ACOT11: variants seen among roughly 807,000 people sequenced by gnomAD.
ACOT11 encodes acyl-coenzyme A thioesterase 11.
ACOT11 carries 69 observed loss-of-function variants against 77.5 expected under a neutral mutation model. That is an observed-to-expected ratio of 0.89 (90% CI 0.73 to 1.09). The LOEUF (loss-of-function observed/expected upper bound fraction) is 1.09. ACOT11 is among the 50% of genes least tolerant of loss of function. ACOT11 has a pLI of 0.00. For missense variants in ACOT11, 766 were observed against 813.7 expected, an observed-to-expected ratio of 0.94 and a Z score of 0.71; for synonymous variants, 279 against 313.0, an observed-to-expected ratio of 0.89 and a Z score of 1.15.
intron 6 of ACOT11, among the ~76,000 whole-genome samples, chr1:54,595,804 G>A (rs930319758): frequency 2.6e-5 from 4 of 152,188 alleles, no homozygotes; most frequent in Admixed American, 2.6e-4. Flanking sequence ...CCTTGGACTT[G>A]TTTACTTATC....
intron 1 of ACOT11, among the ~76,000 whole-genome samples, chr1:54,563,376 G>A (rs948616907): frequency 3.9e-5 from 6 of 152,196 alleles, no homozygotes; most frequent in Admixed American, 2.6e-4. Context: ...CCGGCAGAGT[G>A]CCATTAGACA....
intron 15 of ACOT11, among the ~76,000 whole-genome samples, chr1:54,617,709 ATTTTTTTTTTTTTTTTTTTTTT>A (rs56229276): frequency 5.4e-5 from 3 of 55,740 alleles, no homozygotes; most frequent in African/African-American, 2.2e-4. Context: ...AGGGCCTGAG[ATTTTTTTTTTTTTTTTTTTTTT>A]TTTTTTTTTT....
rs560789213 is a variant in ACOT11, at chr1:54,584,271, T to C, written c.34-384T>C. On this transcript the variant is annotated intron_variant, in intron 1 of 15. Transcript: ENST00000343744. This position sits in a 1 kb window ranked among gnomAD's most constrained non-coding sequence, Gnocchi z 6.3. Reference sequence around the variant, plus strand: ...TGGGCTTGACTGCTATGGAGCTCTCTAGGCCTCCCTGCATAGAGAGGCGAC... The same window carrying C: ...TGGGCTTGACTGCTATGGAGCTCTCCAGGCCTCCCTGCATAGAGAGGCGAC... Among the ~76,000 whole-genome samples the C allele has an allele frequency of 9.5e-4, 130 of 137,190 alleles. No individual in the cohort carries two copies. The highest frequency in any genetic ancestry group is 3.0e-3 in the African/African-American group (122 of 40,134). 90.0% of individuals were successfully genotyped at this position (137,190 alleles called of 152,430 possible). A position where few individuals can be genotyped will look rare whatever the true frequency, so the allele number is the denominator to read the frequency against.
At chr1:54,587,610 G>A (rs1254272478) in intron 3 of ACOT11, among the ~76,000 whole-genome samples, 1 of 137,812 alleles carries the variant, frequency 7.3e-6, no homozygotes, top group Non-Finnish European at 1.5e-5. Context: ...CCAGGCTGGA[G>A]TGCAATGATG....
intron 15 of ACOT11, chr1:54,620,121 C>T: frequency 8.8e-7 from 1 of 1,142,416 alleles, no homozygotes; most frequent in Non-Finnish European, 1.2e-6. Context: ...CCCCATCTGG[C>T]AGAGGGACGG....
chr1:54,623,206 TA>T, intron 15 of ACOT11: 1 of 988,676 alleles, frequency 1.0e-6, no homozygotes. Flanking sequence ...GTCAGAGCTG[TA>T]AGTGAGAAGT....
downstream of ACOT11, chr1:54,610,653 T>C: frequency 6.7e-7 from 1 of 1,502,310 alleles, no homozygotes; most frequent in African/African-American, 1.4e-5. Context: ...ACGGGCATCC[T>C]CTCTAAGCCT....
At chr1:54,562,892 G>C (rs887831157) in intron 1 of ACOT11, among the ~76,000 whole-genome samples, 2 of 134,488 alleles carry the variant, frequency 1.5e-5, no homozygotes, top group Non-Finnish European at 3.2e-5. Flanking sequence ...ATGGGATGGC[G>C]GCCGGGCGGA....
At chr1:54,612,495 T>G, downstream of ACOT11, 1 of 1,613,350 alleles carries the variant, frequency 6.2e-7, no homozygotes. Context: ...CCTCTCAGAT[T>G]GGCTCAGCAG....
At chr1:54,600,607 C>G (rs1643949903) in intron 8 of ACOT11, among the ~76,000 whole-genome samples, 1 of 152,160 alleles carries the variant, frequency 6.6e-6, no homozygotes, top group Non-Finnish European at 1.5e-5. Flanking sequence ...CCCTTGAATC[C>G]AAGAGGCGGA....
intron 1 of ACOT11, among the ~76,000 whole-genome samples, chr1:54,556,819 G>A (rs1422020877): frequency 6.6e-6 from 1 of 151,992 alleles, no homozygotes; most frequent in African/African-American, 2.4e-5. Flanking sequence ...CTGACCTTGG[G>A]TGATCCGCCC....
intron 1 of ACOT11, among the ~76,000 whole-genome samples, chr1:54,571,468 C>T (rs557192790): frequency 1.3e-5 from 2 of 152,296 alleles, no homozygotes; most frequent in Admixed American, 6.5e-5. Flanking sequence ...TAGAGAGTTG[C>T]TGGCACACCT....
rs568771933 is a variant in ACOT11 at position 54,559,711 on chromosome 1, G to A, written c.33+11369G>A. Reference sequence around the variant, plus strand: ...TTCTGTTGAGGACCTACTAAGTGTCGGGCATATTTAAACTTCCCAACAGCT... The same window carrying A: ...TTCTGTTGAGGACCTACTAAGTGTCAGGCATATTTAAACTTCCCAACAGCT... On this transcript the variant is annotated intron_variant, in intron 1 of 15. Coordinates refer to ENST00000343744, the MANE Select transcript of ACOT11 (RefSeq NM_147161.4). Among the ~76,000 whole-genome samples, 12 of 152,162 alleles carry A rather than the reference G, an allele frequency of 7.9e-5. No homozygotes were observed. In the South Asian group the frequency reaches 1.2e-3, roughly 16 times the overall value.
At chr1:54,616,067 T>C (rs767036550) in intron 15 of ACOT11, 2 of 1,614,170 alleles carry the variant, frequency 1.2e-6, no homozygotes, top group Non-Finnish European at 1.7e-6. Context: ...CTCCAGTGTG[T>C]TGTCACTGTA....
intron 1 of ACOT11, among the ~76,000 whole-genome samples, chr1:54,566,769 G>A (rs878856518): frequency 6.6e-6 from 1 of 152,134 alleles, no homozygotes; most frequent in Admixed American, 6.5e-5. Context: ...GGGTTTAGCT[G>A]GGACTGTCAT....
intron 7 of ACOT11, 133 bp from the exon 8 acceptor site, chr1:54,599,146 CAAAAAAAAAAAAAAAAA>C (rs60598717): frequency 2.8e-3 from 52 of 18,656 alleles, no homozygotes; most frequent in East Asian, 0.014. Context: ...AACTCTGTCT[CAAAAAAAAAAAAAAAAA>C]AAAAAAAAAA....
At chr1:54,571,504 G>A (rs920558138) in intron 1 of ACOT11, among the ~76,000 whole-genome samples, 8 of 152,282 alleles carry the variant, frequency 5.3e-5, no homozygotes, top group East Asian at 3.9e-4. Flanking sequence ...CTCTGCCAGA[G>A]ACTAGATTGT....
intron 15 of ACOT11, among the ~76,000 whole-genome samples, chr1:54,616,899 T>C (rs1250437945): frequency 1.3e-5 from 2 of 152,156 alleles, no homozygotes; most frequent in East Asian, 3.9e-4. Flanking sequence ...TTGCTATTAG[T>C]CTTGCTATGT....
intron 10 of ACOT11, among the ~76,000 whole-genome samples, chr1:54,603,454 T>C (rs1643988519): frequency 6.6e-6 from 1 of 152,184 alleles, no homozygotes; most frequent in African/African-American, 2.4e-5. Context: ...CAAGCTGTTG[T>C]TAGTAAGAAA....
Sources: gnomAD v4.1 joint callset for allele counts (sites outside exome capture counted in the v4.1 genomes callset) on GRCh38, gnomAD v4.1.1 for gene constraint, Gnocchi (gnomAD v3.1) non-coding constraint, MANE v1.5 for transcripts, NCBI Gene and HGNC (gene_info 2026-07-23, HGNC 2026-07-21) for gene names.